CDK6: variants seen among roughly 807,000 people sequenced by gnomAD.
CDK6 encodes the protein cyclin dependent kinase 6, also known as cyclin-dependent kinase 6.
In CDK6, 6 loss-of-function variants were observed where a neutral mutation model predicts 37.1. That is an observed-to-expected ratio of 0.16 (90% CI 0.09 to 0.32). The LOEUF (loss-of-function observed/expected upper bound fraction) is 0.32. Among genes scored for constraint, CDK6 ranks in the 10% least tolerant of loss-of-function variants. CDK6 has a pLI of 1.00. For synonymous variants in CDK6, 160 were observed against 161.3 expected, an observed-to-expected ratio of 0.99 and a Z score of 0.06; for missense variants, 224 against 418.9, an observed-to-expected ratio of 0.53 and a Z score of 4.06.
At chr7:92,776,999 C>T (rs1024906701) in intron 2 of CDK6, among the ~76,000 whole-genome samples, 5 of 152,048 alleles carry the variant, frequency 3.3e-5, no homozygotes, top group African/African-American at 1.2e-4. Flanking sequence ...CTGAATGGTA[C>T]TGCCTAAGTT....
intron 2 of CDK6, among the ~76,000 whole-genome samples, chr7:92,824,160 T>C (rs1801251590): frequency 6.7e-6 from 1 of 149,614 alleles, no homozygotes. Context: ...AAAAAGCAAA[T>C]TCACTAAAGA....
At chr7:92,788,198 T>C (rs1396313245) in intron 2 of CDK6, among the ~76,000 whole-genome samples, 2 of 152,180 alleles carry the variant, frequency 1.3e-5, no homozygotes, top group African/African-American at 4.8e-5. Context: ...CATTTTATTT[T>C]AGAGTTTGAT....
Position 92,833,293 on chromosome 7 carries a change from G to A in CDK6, c.31C>T (p.Gln11Ter), listed in dbSNP as rs2116034611. ...ATCTCCGCCACGCATTCGTACTGCTGGTCAGCGCGGCACAGGCCGTCCTTC... is the reference window on the plus strand; with the variant it reads ...ATCTCCGCCACGCATTCGTACTGCTAGTCAGCGCGGCACAGGCCGTCCTTC... MEKDGLCRAD[Q>*]QYECVAEIGE... Residue 11 changes from glutamine to a stop codon, truncating the protein, a stop_gained, in exon 2 of 8, where the codon CAG becomes TAG. Transcript: ENST00000424848. LOFTEE classifies it high-confidence loss of function. The surrounding 1 kb of genome is among the most constrained non-coding windows in gnomAD (Gnocchi z 6.1). 1 of 1,605,700 alleles carries A rather than the reference G, an allele frequency of 6.2e-7. No homozygotes were observed. Among genetic ancestry groups the A allele is most frequent in the Non-Finnish European group, 8.5e-7 (1 of 1,177,538 alleles).
intron 4 of CDK6, among the ~76,000 whole-genome samples, chr7:92,703,395 A>T (rs1284009520): frequency 6.6e-6 from 1 of 152,226 alleles, no homozygotes; most frequent in Admixed American, 6.5e-5. Context: ...ACATATTTTT[A>T]AAAATTCTCT....
intron 2 of CDK6, among the ~76,000 whole-genome samples, chr7:92,827,120 CTAACAG>C (rs1346877056): frequency 6.6e-6 from 1 of 152,124 alleles, no homozygotes; most frequent in African/African-American, 2.4e-5. Context: ...AAACTGTTCA[CTAACAG>C]TGAGATAATT....
chr7:92,713,069 C>T (rs1798139163), intron 4 of CDK6, among the ~76,000 whole-genome samples: 1 of 152,074 alleles, frequency 6.6e-6, no homozygotes, highest in Admixed American at 6.5e-5. Context: ...CCATATTGGC[C>T]AGGCTGCTCT....
At chr7:92,724,917 T>C (rs1022039101) in intron 4 of CDK6, 3 of 628,460 alleles carry the variant, frequency 4.8e-6, no homozygotes, top group Non-Finnish European at 6.0e-6. Context: ...GTATTTGGGG[T>C]GCAGAATTTC....
At chr7:92,665,912 C>A (rs542092996) in intron 5 of CDK6, among the ~76,000 whole-genome samples, 1 of 152,202 alleles carries the variant, frequency 6.6e-6, no homozygotes, top group South Asian at 2.1e-4. Flanking sequence ...AAGTTATTCA[C>A]CCTCCTTGTG....
At chr7:92,653,649 T>A (rs1226924297) in intron 5 of CDK6, among the ~76,000 whole-genome samples, 1 of 152,246 alleles carries the variant, frequency 6.6e-6, no homozygotes, top group Non-Finnish European at 1.5e-5. Flanking sequence ...AATGTCTCTT[T>A]TTAATGATTT....
At chr7:92,809,610 T>TCA (rs1800819414) in intron 2 of CDK6, among the ~76,000 whole-genome samples, 1 of 152,240 alleles carries the variant, frequency 6.6e-6, no homozygotes, top group Non-Finnish European at 1.5e-5. Context: ...GCAGGACTGC[T>TCA]CTTACTTGAG....
chr7:92,734,015 AT>A (rs1798715218), intron 3 of CDK6, among the ~76,000 whole-genome samples: 1 of 152,250 alleles, frequency 6.6e-6, no homozygotes, highest in Non-Finnish European at 1.5e-5. Context: ...ATATTCTTAT[AT>A]GTTATGATTA....
intron 6 of CDK6, among the ~76,000 whole-genome samples, chr7:92,619,057 T>C (rs1223023161): frequency 1.3e-5 from 2 of 152,200 alleles, no homozygotes; most frequent in Non-Finnish European, 2.9e-5. Context: ...GGATCAGTTA[T>C]ACTTTATTTG....
Position 92,615,007 on chromosome 7 carries a change from G to T in CDK6, c.*133C>A. The T allele has an allele frequency of 1.2e-6, 1 of 817,352 alleles. No individual in the cohort carries two copies. Among genetic ancestry groups the T allele is most frequent in the Non-Finnish European group, 1.9e-6 (1 of 525,330 alleles). 50.6% of individuals were successfully genotyped at this position (817,352 alleles called of 1,614,324 possible). The stretch of plus-strand genomic sequence containing the variant: ...TAGGCGGTTTCCTTGGAGAAGCAGA[G>T]CCTGTCCAGAAGACAGCAGCTGGAA... On this transcript the variant is annotated 3_prime_UTR_variant, in exon 8 of 8. Transcript: ENST00000424848.
chr7:92,708,919 T>C (rs1798025427), intron 4 of CDK6, among the ~76,000 whole-genome samples: 1 of 152,256 alleles, frequency 6.6e-6, no homozygotes, highest in African/African-American at 2.4e-5. Flanking sequence ...GTTCTGAGCA[T>C]GTGTCAGGAC....
At chr7:92,635,204 A>T (rs914891686) in intron 5 of CDK6, among the ~76,000 whole-genome samples, 16 of 152,174 alleles carry the variant, frequency 1.1e-4, no homozygotes, top group African/African-American at 3.9e-4. Context: ...AGCTCCCTAA[A>T]ACACTTAAGA....
At position 92,658,848 on chromosome 7, in the gene CDK6, G is replaced by C. The variant is rs145626656; in HGVS notation, c.647+12578C>G. Among the ~76,000 whole-genome samples the C allele has an allele frequency of 3.4e-4, 52 of 152,164 alleles. 1 individual carries two copies. In the East Asian group the frequency reaches 0.01, roughly 29 times the overall value. The stretch of plus-strand genomic sequence containing the variant: ...CAATTTTTGTTTCTTAAAGTGTCAC[G>C]TGGAGTGAAAGATCACAGAGACAAT... On this transcript the variant is annotated intron_variant, in intron 5 of 7. Coordinates refer to ENST00000424848, the MANE Select transcript of CDK6 (RefSeq NM_001145306.2).
chr7:92,703,171 G>A (rs150035745), intron 4 of CDK6, among the ~76,000 whole-genome samples: 1,916 of 152,032 alleles, frequency 0.013, 26 homozygotes, highest in Non-Finnish European at 0.017. Flanking sequence ...CACCTGACAC[G>A]AGAACTGTGA....
chr7:92,673,075 T>C (rs1040095102), intron 4 of CDK6, among the ~76,000 whole-genome samples: 8 of 152,202 alleles, frequency 5.3e-5, no homozygotes, highest in African/African-American at 1.9e-4. Flanking sequence ...ATGCTACCTC[T>C]TGGAACCCAG....
At chr7:92,626,284 A>G (rs1795926532) in intron 5 of CDK6, among the ~76,000 whole-genome samples, 1 of 152,098 alleles carries the variant, frequency 6.6e-6, no homozygotes, top group African/African-American at 2.4e-5. Flanking sequence ...CATATAATGT[A>G]AGTCATATGA....
Sources: gnomAD v4.1 joint callset for allele counts (sites outside exome capture counted in the v4.1 genomes callset) on GRCh38, gnomAD v4.1.1 for gene constraint, Gnocchi (gnomAD v3.1) non-coding constraint, MANE v1.5 for transcripts, NCBI Gene and HGNC (gene_info 2026-07-23, HGNC 2026-07-21) for gene names.